Variants in AGMO observed in about 807,000 individuals in gnomAD.
AGMO encodes the protein glyceryl-ether monooxygenase.
In AGMO, 75 loss-of-function variants were observed where a neutral mutation model predicts 60.2. The ratio of observed to expected loss-of-function variants is 1.25; its 90% CI spans 1.03 to 1.51. The LOEUF (loss-of-function observed/expected upper bound fraction) is 1.51, where lower values mean the gene tolerates loss of function less well. AGMO is among the 40% of genes most tolerant of loss of function. The pLI is 0.00. For missense variants in AGMO, 763 were observed against 525.5 expected (o/e 1.45, Z -4.42); for synonymous variants, 261 against 177.1 (o/e 1.47, Z -3.76).
intron 12 of AGMO, among the ~76,000 whole-genome samples, chr7:15,321,507 G>C (rs1232014014): frequency 6.6e-6 from 1 of 152,112 alleles, no homozygotes; most frequent in Non-Finnish European, 1.5e-5. Flanking sequence ...TGGAGTTCTT[G>C]AGAATGTTTT....
At chr7:15,386,934 T>TA (rs1783938106) in intron 9 of AGMO, among the ~76,000 whole-genome samples, 1 of 152,178 alleles carries the variant, frequency 6.6e-6, no homozygotes, top group African/African-American at 2.4e-5. Context: ...TACTATAAAA[T>TA]GAATATAGTT....
chr7:15,393,061 G>C (rs963868297), intron 6 of AGMO, among the ~76,000 whole-genome samples: 1 of 152,196 alleles, frequency 6.6e-6, no homozygotes, highest in African/African-American at 2.4e-5. Flanking sequence ...GATCACATTT[G>C]CATCACTGTG....
At chr7:15,351,006 G>C (rs1782223934) in intron 12 of AGMO, among the ~76,000 whole-genome samples, 1 of 152,098 alleles carries the variant, frequency 6.6e-6, no homozygotes, top group South Asian at 2.1e-4. Flanking sequence ...AGAAAATTTA[G>C]CTCACTGTGG....
intron 12 of AGMO, among the ~76,000 whole-genome samples, chr7:15,362,092 A>G (rs888691800): frequency 3.3e-5 from 5 of 152,196 alleles, no homozygotes; most frequent in Admixed American, 1.3e-4. Context: ...GACTGGAGTC[A>G]CTGAGGCCAT....
intron 3 of AGMO, among the ~76,000 whole-genome samples, chr7:15,530,836 A>ATATAGACATTTCTATATATATTC (rs1784297574): frequency 2.8e-3 from 67 of 24,214 alleles, no homozygotes; most frequent in Admixed American, 4.5e-3. Context: ...TATATATTCT[A>ATATAGACATTTCTATATATATTC]TATATATATA....
chr7:15,549,404 A>C (rs535848425), intron 2 of AGMO, among the ~76,000 whole-genome samples: 1 of 152,224 alleles, frequency 6.6e-6, no homozygotes, highest in East Asian at 1.9e-4. Context: ...CCATCAGTGC[A>C]CTGTATTCAG....
chr7:15,456,519 C>G (rs1782003322), intron 3 of AGMO, among the ~76,000 whole-genome samples: 1 of 152,058 alleles, frequency 6.6e-6, no homozygotes, highest in Non-Finnish European at 1.5e-5. Context: ...CTTCTCTTGC[C>G]CTCAGCTCTA....
At chr7:15,551,179 G>A (rs1252926873) in intron 2 of AGMO, among the ~76,000 whole-genome samples, 1 of 152,112 alleles carries the variant, frequency 6.6e-6, no homozygotes, top group Non-Finnish European at 1.5e-5. Flanking sequence ...AAAATAATAA[G>A]AGCTATCTAT....
intron 12 of AGMO, among the ~76,000 whole-genome samples, chr7:15,261,975 A>G (rs979905552): frequency 6.6e-6 from 1 of 151,958 alleles, no homozygotes; most frequent in Non-Finnish European, 1.5e-5. Flanking sequence ...CAGAAAAACC[A>G]GCATAGAAGG....
At chr7:15,289,816 T>C (rs139352946) in intron 12 of AGMO, among the ~76,000 whole-genome samples, 3 of 152,040 alleles carry the variant, frequency 2.0e-5, no homozygotes, top group East Asian at 1.9e-4. Context: ...ACATTCATTA[T>C]AGTAAAAGGT....
intron 12 of AGMO, among the ~76,000 whole-genome samples, chr7:15,263,307 C>A (rs573408454): frequency 8.6e-5 from 13 of 151,608 alleles, no homozygotes; most frequent in Non-Finnish European, 1.3e-4. Flanking sequence ...TACAAATGGC[C>A]AACAAACATA....
chr7:15,440,455 G>T (rs1252437196), intron 3 of AGMO, among the ~76,000 whole-genome samples: 1 of 152,180 alleles, frequency 6.6e-6, no homozygotes, highest in Non-Finnish European at 1.5e-5. Flanking sequence ...AAAAGCCACA[G>T]TGTAATTTGT....
At chr7:15,342,206 C>T (rs1431085461) in intron 12 of AGMO, among the ~76,000 whole-genome samples, 2 of 96,086 alleles carry the variant, frequency 2.1e-5, no homozygotes, top group African/African-American at 1.1e-4. Flanking sequence ...AGGACTAAGT[C>T]CTGAAGCACT....
the AGMO span, among the ~76,000 whole-genome samples, chr7:15,145,449 T>A: frequency 5.6e-4 from 85 of 152,266 alleles, no homozygotes; most frequent in Middle Eastern, 3.4e-3. Flanking sequence ...AAATTGACTA[T>A]CTTCATAAAT....
chr7:15,350,002 TA>T (rs1327509086), intron 12 of AGMO, among the ~76,000 whole-genome samples: 2 of 152,144 alleles, frequency 1.3e-5, no homozygotes, highest in African/African-American at 4.8e-5. Context: ...AACTATTTAA[TA>T]TTTTTTATAT....
chr7:15,228,476 G>T (rs996152864), intron 12 of AGMO, among the ~76,000 whole-genome samples: 5 of 152,064 alleles, frequency 3.3e-5, no homozygotes, highest in Non-Finnish European at 7.4e-5. Flanking sequence ...GAACAAAATG[G>T]GCTGGAGAAA....
intron 12 of AGMO, among the ~76,000 whole-genome samples, chr7:15,221,070 G>A (rs1044272673): frequency 3.3e-5 from 5 of 152,292 alleles, no homozygotes; most frequent in Middle Eastern, 3.4e-3. Context: ...AGAAAAGAAG[G>A]AGAAAGAGGC....
At chr7:15,163,373 G>A in the AGMO span, among the ~76,000 whole-genome samples, 1 of 152,126 alleles carries the variant, frequency 6.6e-6, no homozygotes, top group Non-Finnish European at 1.5e-5. Context: ...TAAGAGTGGT[G>A]AGAGTGGACA....
intron 3 of AGMO, among the ~76,000 whole-genome samples, chr7:15,500,121 TTAAAA>T (rs1324255410): frequency 6.6e-6 from 1 of 151,704 alleles, no homozygotes; most frequent in Non-Finnish European, 1.5e-5. Context: ...AATTATCAAA[TTAAAA>T]GAGAAGATTA....
Sources: allele counts gnomAD v4.1 joint callset (sites outside exome capture counted in the v4.1 genomes callset), GRCh38; gene constraint gnomAD v4.1.1; transcripts MANE v1.5; gene names NCBI Gene and HGNC (gene_info 2026-07-23, HGNC 2026-07-21).